SPATS2: variants seen among roughly 807,000 people sequenced by gnomAD.
SPATS2 encodes spermatogenesis-associated serine-rich protein 2.
A neutral mutation model predicts 63.7 loss-of-function variants in SPATS2; 38 were observed. That is an observed-to-expected ratio of 0.60 (90% CI 0.46 to 0.78). SPATS2 has a LOEUF of 0.78. Ranked by LOEUF, SPATS2 falls within the 30% of genes least tolerant of loss-of-function variation. The pLI, the probability that SPATS2 is intolerant of heterozygous loss-of-function variation, is 0.00. For missense variants in SPATS2, 588 were observed against 666.2 expected (o/e 0.88, Z 1.29); for synonymous variants, 207 against 232.9 (o/e 0.89, Z 1.01).
At chr12:49,457,140 A>G (rs1426928957) in intron 2 of SPATS2, among the ~76,000 whole-genome samples, 1 of 152,082 alleles carries the variant, frequency 6.6e-6, no homozygotes, top group Non-Finnish European at 1.5e-5. Context: ...AAATATTCAA[A>G]TAAGTATTCA....
rs71439501 is a variant in SPATS2 at position 49,498,132 on chromosome 12, CAA to C, written c.703+1136_703+1137del. ...CAGGTTTGAGACTATCCAATCAAGC[CAA>C]AAAAAAAAAAAATATATATATATAT... On this transcript the variant is annotated intron_variant, in intron 8 of 13. Coordinates refer to ENST00000552918, the MANE Select transcript of SPATS2 (RefSeq NM_023071.4). 6.1e-3 allele frequency among the ~76,000 whole-genome samples: 715 copies of C among 117,250 alleles called. 3 individuals are homozygous for C. Among genetic ancestry groups the C allele is most frequent in the South Asian group, 0.012 (46 of 3,942 alleles). 76.9% of individuals were successfully genotyped at this position (117,250 alleles called of 152,430 possible). A position where few individuals can be genotyped will look rare whatever the true frequency, so the allele number is the denominator to read the frequency against.
chr12:49,397,689 A>G (rs140579622), intron 2 of SPATS2, among the ~76,000 whole-genome samples: 303 of 151,960 alleles, frequency 2.0e-3, no homozygotes, highest in African/African-American at 6.7e-3. Context: ...AGCTAGCTGG[A>G]TATGGTAGTG....
chr12:49,474,762 G>T (rs1946091571), intron 3 of SPATS2, among the ~76,000 whole-genome samples: 1 of 152,156 alleles, frequency 6.6e-6, no homozygotes, highest in Admixed American at 6.6e-5. Flanking sequence ...ATCATACAAT[G>T]AAATATTATT....
chr12:49,407,093 G>A (rs1944710622), intron 2 of SPATS2, among the ~76,000 whole-genome samples: 1 of 152,100 alleles, frequency 6.6e-6, no homozygotes, highest in South Asian at 2.1e-4. Flanking sequence ...AATCATCCTT[G>A]ATGCCTCTCT....
At chr12:49,399,436 A>G (rs1944567040) in intron 2 of SPATS2, among the ~76,000 whole-genome samples, 1 of 152,214 alleles carries the variant, frequency 6.6e-6, no homozygotes, top group African/African-American at 2.4e-5. Flanking sequence ...TGGATAGTCT[A>G]TTAGGGGCCA....
intron 2 of SPATS2, among the ~76,000 whole-genome samples, chr12:49,458,777 A>G (rs971855960): frequency 6.6e-6 from 1 of 150,688 alleles, no homozygotes; most frequent in Non-Finnish European, 1.5e-5. Context: ...TGCTGGCAGG[A>G]ACTTATGCTT....
intron 2 of SPATS2, among the ~76,000 whole-genome samples, chr12:49,460,379 G>A (rs551156873): frequency 1.4e-3 from 215 of 152,220 alleles, no homozygotes; most frequent in Non-Finnish European, 2.2e-3. Flanking sequence ...ACTTGAACCC[G>A]GGAGGCAGAG....
At chr12:49,413,068 A>G (rs558795149) in intron 2 of SPATS2, among the ~76,000 whole-genome samples, 5 of 148,262 alleles carry the variant, frequency 3.4e-5, no homozygotes, top group African/African-American at 1.2e-4. Flanking sequence ...GTTGTTAAAC[A>G]GTTGTTTTGT....
intron 6 of SPATS2, among the ~76,000 whole-genome samples, 157 bp from the exon 7 acceptor site, chr12:49,494,584 G>A (rs1565749373): frequency 6.6e-6 from 1 of 151,950 alleles, no homozygotes; most frequent in Non-Finnish European, 1.5e-5. Context: ...TTTATTTTAG[G>A]CAATAGTTCA....
chr12:49,508,675 T>G (rs1592470281), intron 9 of SPATS2, among the ~76,000 whole-genome samples: 1 of 152,060 alleles, frequency 6.6e-6, no homozygotes, highest in Non-Finnish European at 1.5e-5. Context: ...GCTCAAGTGA[T>G]CCTCCTGCCT....
At chr12:49,516,701 T>C (rs1012699068) in intron 10 of SPATS2, among the ~76,000 whole-genome samples, 2 of 141,864 alleles carry the variant, frequency 1.4e-5, no homozygotes, top group African/African-American at 2.9e-5. Context: ...CAAGACTCCA[T>C]CTCAAAACTA....
chr12:49,430,077 G>A (rs1339798158), intron 2 of SPATS2, among the ~76,000 whole-genome samples: 4 of 149,140 alleles, frequency 2.7e-5, no homozygotes, highest in African/African-American at 1.0e-4. Context: ...CACCATGCCC[G>A]GCCATCTTTT....
intron 1 of SPATS2, among the ~76,000 whole-genome samples, chr12:49,368,796 C>G (rs74784091): frequency 0.1 from 15,817 of 152,006 alleles, 940 homozygotes; most frequent in African/African-American, 0.16. Flanking sequence ...ATTGTGTGCT[C>G]CTAAGTAGTC....
chr12:49,444,371 T>C lies in SPATS2; in HGVS notation c.-243-16399T>C, dbSNP rs893376597. Among the ~76,000 whole-genome samples, 5 of 151,898 alleles carry C rather than the reference T, an allele frequency of 3.3e-5. No individual in the cohort carries two copies. The South Asian group carries it at 1.0e-3, about 32-fold the overall frequency. On this transcript the variant is annotated intron_variant, in intron 2 of 13. Coordinates refer to ENST00000552918, the MANE Select transcript of SPATS2 (RefSeq NM_023071.4). Reference sequence around the variant, plus strand: ...TAGCTGGGACTGTAGTTGCACGTCATTGTGCCCAGCTAATTTAAATTTTTT... The same window carrying C: ...TAGCTGGGACTGTAGTTGCACGTCACTGTGCCCAGCTAATTTAAATTTTTT...
At chr12:49,491,541 C>A (rs556361165) in intron 6 of SPATS2, among the ~76,000 whole-genome samples, 95 of 152,026 alleles carry the variant, frequency 6.2e-4, no homozygotes, top group African/African-American at 2.1e-3. Context: ...GAAACCTGAT[C>A]TCAAAAAAAA....
intron 2 of SPATS2, among the ~76,000 whole-genome samples, chr12:49,440,519 A>G (rs1945398093): frequency 6.7e-6 from 1 of 149,218 alleles, no homozygotes; most frequent in Non-Finnish European, 1.5e-5. Context: ...ACCAGGCTGC[A>G]GTGCAGTGGT....
Position 49,472,971 on chromosome 12 carries a change from G to A in SPATS2, c.26-11619G>A, listed in dbSNP as rs145349435. 8.4e-4 allele frequency among the ~76,000 whole-genome samples: 127 copies of A among 151,040 alleles called. 1 individual carries two copies. The highest frequency in any genetic ancestry group is 2.8e-3 in the African/African-American group (117 of 41,164). On this transcript the variant is annotated intron_variant, in intron 3 of 13. Coordinates refer to ENST00000552918, the MANE Select transcript of SPATS2 (RefSeq NM_023071.4). ...AGGCTTAGGCTGGAGGATTGCTTGAGCCCGGGTAGTCGAGGCTGCAGTGAG... is the reference window on the plus strand; with the variant it reads ...AGGCTTAGGCTGGAGGATTGCTTGAACCCGGGTAGTCGAGGCTGCAGTGAG...
chr12:49,467,044 G>GTTTTTTT lies in SPATS2; in HGVS notation c.25+6027_25+6033dup, dbSNP rs59350335. Among the ~76,000 whole-genome samples the GTTTTTTT allele has an allele frequency of 2.0e-3, 152 of 75,772 alleles. 3 individuals are homozygous for GTTTTTTT. The highest frequency in any genetic ancestry group is 7.8e-3 in the Middle Eastern group (1 of 128). 49.7% of individuals were successfully genotyped at this position (75,772 alleles called of 152,430 possible). A position where few individuals can be genotyped will look rare whatever the true frequency, so the allele number is the denominator to read the frequency against. On this transcript the variant is annotated intron_variant, in intron 3 of 13. Transcript: ENST00000552918. Reference sequence around the variant, plus strand: ...TTTATTGTTAAATAATTTGTTCTTTGTTTTTTTTTTTTTTTTTTTTTTTTT... The same window carrying GTTTTTTT: ...TTTATTGTTAAATAATTTGTTCTTTGTTTTTTTTTTTTTTTTTTTTTTTTTTTTTTTT...
chr12:49,422,032 C>T (rs76552850), intron 2 of SPATS2, among the ~76,000 whole-genome samples: 14,015 of 152,138 alleles, frequency 0.092, 754 homozygotes, highest in African/African-American at 0.14. Flanking sequence ...ACCTGGGTGG[C>T]TGAACTCAGG....
Sources: gnomAD v4.1 joint callset for allele counts (sites outside exome capture counted in the v4.1 genomes callset) on GRCh38, gnomAD v4.1.1 for gene constraint, MANE v1.5 for transcripts, NCBI Gene and HGNC (gene_info 2026-07-23, HGNC 2026-07-21) for gene names.